Variants in PEX11A observed in about 807,000 individuals in gnomAD.
PEX11A encodes peroxisomal biogenesis factor 11 alpha.
In PEX11A, 13 loss-of-function variants were observed where a neutral mutation model predicts 14.4. The ratio of observed to expected loss-of-function variants is 0.90; its 90% CI spans 0.59 to 1.43. The LOEUF is 1.43. Among genes scored for constraint, PEX11A ranks in the 40% most tolerant of loss-of-function variants. The pLI, the probability that PEX11A is intolerant of heterozygous loss-of-function variation, is 0.00. For missense variants in PEX11A, 290 were observed against 302.8 expected, an observed-to-expected ratio of 0.96 and a Z score of 0.31; for synonymous variants, 101 against 113.0, an observed-to-expected ratio of 0.89 and a Z score of 0.67.
At chr15:89,684,750 T>A (rs968586527) in intron 2 of PEX11A, among the ~76,000 whole-genome samples, 2 of 152,190 alleles carry the variant, frequency 1.3e-5, no homozygotes, top group African/African-American at 4.8e-5. Context: ...CAGGGATGCA[T>A]CAATCAATAG....
At chr15:89,685,683 G>A (rs754692376) in intron 2 of PEX11A, among the ~76,000 whole-genome samples, 4 of 151,832 alleles carry the variant, frequency 2.6e-5, no homozygotes, top group Admixed American at 6.6e-5. Context: ...CAGCCAACAA[G>A]TTTGGCACTA....
chr15:89,683,062 T>C lies in PEX11A; in HGVS notation c.*315A>G, dbSNP rs1048931983. On this transcript the variant is annotated 3_prime_UTR_variant, in exon 3 of 3. Transcript: ENST00000300056. ...TCAGTGCGATTGGGTCTTTTTAAAT[T>C]TTTTCCTTTCAATTTTTATTCATTC... 2 of 306,554 alleles carry C rather than the reference T, an allele frequency of 6.5e-6. No homozygotes were observed. Among genetic ancestry groups the C allele is most frequent in the African/African-American group, 4.4e-5 (2 of 45,948 alleles). The allele number at this position is 306,554 out of a possible 1,614,324, so 19.0% of individuals were successfully genotyped here. A position where few individuals can be genotyped will look rare whatever the true frequency, so the allele number is the denominator to read the frequency against.
intron 1 of PEX11A, chr15:89,687,805 T>C (rs1257925387): frequency 1.0e-5 from 3 of 287,728 alleles, no homozygotes; most frequent in Non-Finnish European, 2.0e-5. Context: ...TCAATGATTC[T>C]GCCTTTCTGA....
chr15:89,686,549 G>C lies in PEX11A; in HGVS notation c.57-3C>G, dbSNP rs754890576. 3 of 1,327,932 alleles carry C rather than the reference G, an allele frequency of 2.3e-6. No individual in the cohort carries two copies. In the South Asian group the frequency reaches 3.8e-5, roughly 17 times the overall value. 82.3% of individuals were successfully genotyped at this position (1,327,932 alleles called of 1,614,324 possible). Reference sequence around the variant, plus strand: ...ACATGCATGTGTACTGAGTGGCTCTGAAATGGAAAAAAAAAAATTGAGAAG... The same window carrying C: ...ACATGCATGTGTACTGAGTGGCTCTCAAATGGAAAAAAAAAAATTGAGAAG... On this transcript the variant is annotated splice_region_variant and splice_polypyrimidine_tract_variant and intron_variant, in intron 1 of 2. Transcript: ENST00000300056.
intron 2 of PEX11A, among the ~76,000 whole-genome samples, chr15:89,684,556 A>G (rs778396092): frequency 2.7e-4 from 41 of 152,212 alleles, no homozygotes; most frequent in Non-Finnish European, 5.4e-4. Context: ...TTTAAAAAAC[A>G]CTATTATCAT....
At chr15:89,689,337 A>G (rs1208675036) in intron 1 of PEX11A, among the ~76,000 whole-genome samples, 1 of 152,210 alleles carries the variant, frequency 6.6e-6, no homozygotes, top group East Asian at 1.9e-4. Context: ...AGGGTTATAT[A>G]AGTTCATAGT....
rs1964622929 is a variant in PEX11A, at chr15:89,683,212, C to T, written c.*165G>A. 1 of 636,622 alleles carries T rather than the reference C, an allele frequency of 1.6e-6. No individual in the cohort carries two copies. Among genetic ancestry groups the T allele is most frequent in the Non-Finnish European group, 2.8e-6 (1 of 357,938 alleles). 39.4% of individuals were successfully genotyped at this position (636,622 alleles called of 1,614,324 possible). A position where few individuals can be genotyped will look rare whatever the true frequency, so the allele number is the denominator to read the frequency against. On this transcript the variant is annotated 3_prime_UTR_variant, in exon 3 of 3. Transcript: ENST00000300056. ...AAACATACAACTCTTCATGCTCCTC[C>T]CTTCTCCGTTCTTGGCCTCATCTCT...
In PEX11A at chr15:89,690,678, G is replaced by C. The variant is rs751511410; in HGVS notation, c.-46C>G. 1.7e-5 allele frequency: 24 copies of C among 1,424,302 alleles called. No homozygotes were observed. The highest frequency in any genetic ancestry group is 2.1e-5 in the Non-Finnish European group (22 of 1,033,410). 88.2% of individuals were successfully genotyped at this position (1,424,302 alleles called of 1,614,324 possible). On this transcript the variant is annotated 5_prime_UTR_variant, in exon 1 of 3. Transcript: ENST00000300056. ...CGAGTCGCACGGGGCTCAGGCGTGG[G>C]TCCTCTGGGGCCCGTCGGATCCCCA... is the stretch of plus-strand genomic sequence containing the variant.
At chr15:89,686,287 T>C in intron 2 of PEX11A, 144 bp downstream of exon 2, 1 of 587,402 alleles carries the variant, frequency 1.7e-6, no homozygotes, top group East Asian at 2.9e-5. Context: ...TGTTGTGCCA[T>C]GAGGACAGCC....
Position 89,690,634 on chromosome 15 carries a change from G to T in PEX11A, c.-2C>A. On this transcript the variant is annotated 5_prime_UTR_variant, in exon 1 of 3. Coordinates refer to ENST00000300056, the MANE Select transcript of PEX11A (RefSeq NM_003847.3). Reference sequence around the variant, plus strand: ...GGTGAAGCGGGTGAAGGCGTCCATGGCTTCTAGCCCAAAGGCCACGAGTCG... The same window carrying T: ...GGTGAAGCGGGTGAAGGCGTCCATGTCTTCTAGCCCAAAGGCCACGAGTCG... 2 of 1,550,868 alleles carry T rather than the reference G, an allele frequency of 1.3e-6. No individual in the cohort carries two copies. The highest frequency in any genetic ancestry group is 8.7e-7 in the Non-Finnish European group (1 of 1,146,570).
In PEX11A at chr15:89,683,440, A is replaced by AAG; in HGVS notation, c.679_680dup (p.Val228LeufsTer5). The AAG allele has an allele frequency of 1.2e-6, 2 of 1,614,104 alleles. No homozygotes were observed. The highest frequency in any genetic ancestry group is 1.7e-6 in the Non-Finnish European group (2 of 1,179,946). On this transcript the variant is annotated frameshift_variant, in exon 3 of 3. Coordinates refer to ENST00000300056, the MANE Select transcript of PEX11A (RefSeq NM_003847.3). LOFTEE classifies it high-confidence loss of function. ...TGATCATGCCTGCTATAGAGGACAC[A>AAG]AGACCTCCAAGTCCAATGATGCCAG...
chr15:89,686,152 G>A (rs1157228429), intron 2 of PEX11A, among the ~76,000 whole-genome samples: 1 of 152,190 alleles, frequency 6.6e-6, no homozygotes, highest in Non-Finnish European at 1.5e-5. Context: ...ATGATTCTAA[G>A]AACTAAAGGT....
chr15:89,686,909 A>G (rs765786911), intron 1 of PEX11A, among the ~76,000 whole-genome samples: 19 of 151,776 alleles, frequency 1.3e-4, no homozygotes, highest in Non-Finnish European at 2.5e-4. Flanking sequence ...TCCCCAGTGT[A>G]GATTTCTTTC....
chr15:89,687,724 G>A (rs1437564555), intron 1 of PEX11A, among the ~76,000 whole-genome samples: 2 of 152,146 alleles, frequency 1.3e-5, no homozygotes, highest in Non-Finnish European at 2.9e-5. Flanking sequence ...GAAATAAAAA[G>A]AGAAGACTGG....
At chr15:89,686,649 C>T in intron 1 of PEX11A, 103 bp from the exon 2 acceptor site, 1 of 628,728 alleles carries the variant, frequency 1.6e-6, no homozygotes, top group Non-Finnish European at 2.8e-6. Context: ...GACAACATTT[C>T]CAAGACCATT....
chr15:89,681,731 A>T lies in PEX11A; in HGVS notation c.*1646T>A. On this transcript the variant is annotated 3_prime_UTR_variant, in exon 3 of 3. Transcript: ENST00000300056. ...CAAGAATCTGAGTCTATTTTTTGAG[A>T]ATCTCAATCACATTTCTGGGAAATG... 2.0e-6 allele frequency: 1 copy of T among 488,180 alleles called. No individual in the cohort carries two copies. Among genetic ancestry groups the T allele is most frequent in the South Asian group, 3.8e-5 (1 of 26,446 alleles). The allele number at this position is 488,180 out of a possible 1,614,324, so 30.2% of individuals were successfully genotyped here.
chr15:89,690,329 G>T (rs1290085381), intron 1 of PEX11A, among the ~76,000 whole-genome samples: 1 of 152,216 alleles, frequency 6.6e-6, no homozygotes, highest in Non-Finnish European at 1.5e-5. Flanking sequence ...GTCTCGAGGC[G>T]GCTAGGGTGC....
Position 89,683,103 on chromosome 15 carries a change from C to G in PEX11A, c.*274G>C, listed in dbSNP as rs1964621605. On this transcript the variant is annotated 3_prime_UTR_variant, in exon 3 of 3. Transcript: ENST00000300056. ...TTATTCATTCAGCAAATACTAAGCT[C>G]CCACTATGCACATAAGAGATGTTCA... The G allele has an allele frequency of 2.5e-6, 1 of 404,674 alleles. No homozygotes were observed. Among genetic ancestry groups the G allele is most frequent in the Non-Finnish European group, 4.4e-6 (1 of 227,934 alleles). The allele number at this position is 404,674 out of a possible 1,614,324, so 25.1% of individuals were successfully genotyped here. A position where few individuals can be genotyped will look rare whatever the true frequency, so the allele number is the denominator to read the frequency against.
chr15:89,683,868 A>G lies in PEX11A; in HGVS notation c.253T>C (p.Cys85Arg), dbSNP rs768319128. ...IHATDLVPRL[C>R]LTLANLNRVI... is the part of the protein sequence containing the mutation. ...CGGTTCAGGTTGGCTAATGTTAAGC[A>G]TAAGCGAGGTACCAGGTCAGTGGCA... The change falls in exon 3 of 3, where the codon TGC becomes CGC. Residue 85 changes from cysteine to arginine, a missense_variant. Cys to Arg is a radical substitution (Grantham distance 180). Transcript: ENST00000300056. The G allele has an allele frequency of 2.5e-6, 4 of 1,614,012 alleles. 1 individual carries two copies. Among genetic ancestry groups the G allele is most frequent in the Middle Eastern group, 1.6e-4 (1 of 6,084 alleles).
Sources: gnomAD v4.1 joint callset for allele counts (sites outside exome capture counted in the v4.1 genomes callset) on GRCh38, gnomAD v4.1.1 for gene constraint, MANE v1.5 for transcripts, NCBI Gene and HGNC (gene_info 2026-07-23, HGNC 2026-07-21) for gene names.